Variants in CHMP3 observed in about 807,000 individuals in gnomAD.
CHMP3 encodes the protein charged multivesicular body protein 3.
In CHMP3, 8 loss-of-function variants were observed where a neutral mutation model predicts 27.4. The ratio of observed to expected loss-of-function variants is 0.29; its 90% confidence interval spans 0.17 to 0.53. The LOEUF (loss-of-function observed/expected upper bound fraction) is 0.53, where lower values mean the gene tolerates loss of function less well. Among genes scored for constraint, CHMP3 ranks in the 20% least tolerant of loss-of-function variants. The pLI is 0.96. For missense variants in CHMP3, 208 were observed against 271.5 expected (o/e 0.77, Z 1.64); for synonymous variants, 86 against 85.5 (o/e 1.01, Z -0.03).
At chr2:86,511,500 T>C (rs913119638) in intron 3 of CHMP3, 6 of 151,952 alleles carry the variant, frequency 3.9e-5, no homozygotes, top group African/African-American at 7.2e-5. Context: ...AAATTACATA[T>C]GCCATTAAAA....
intron 3 of CHMP3, among the ~76,000 whole-genome samples, chr2:86,517,483 G>A (rs1558646503): frequency 6.7e-6 from 1 of 149,538 alleles, no homozygotes; most frequent in East Asian, 2.0e-4. Flanking sequence ...GGAGAATGGC[G>A]TGAACCCAGG....
chr2:86,544,186 T>C (rs1179095646), intron 1 of CHMP3, among the ~76,000 whole-genome samples: 1 of 152,240 alleles, frequency 6.6e-6, no homozygotes, highest in East Asian at 1.9e-4. Context: ...ACACAACTCG[T>C]TTATCCATTC....
intron 1 of CHMP3, among the ~76,000 whole-genome samples, chr2:86,544,277 AT>A (rs1281962130): frequency 6.7e-6 from 1 of 150,078 alleles, no homozygotes; most frequent in African/African-American, 2.5e-5. Context: ...TTATTTTCTA[AT>A]TTTTTTATGA....
chr2:86,504,660 T>C lies in CHMP3; in HGVS notation c.*1144A>G, dbSNP rs529898013. 6.6e-6 allele frequency: 1 copy of C among 152,054 alleles called. No individual in the cohort carries two copies. The highest frequency in any genetic ancestry group is 1.9e-4 in the East Asian group (1 of 5,168). 9.4% of individuals were successfully genotyped at this position (152,054 alleles called of 1,614,324 possible). On this transcript the variant is annotated 3_prime_UTR_variant, in exon 6 of 6. Coordinates refer to ENST00000263856, the MANE Select transcript of CHMP3 (RefSeq NM_016079.4). Reference sequence around the variant, plus strand: ...CCGCACCCAGCCAAGATTGCCATTTTGTATGATGAGACTGGAAGGACCCCA... The same window carrying C: ...CCGCACCCAGCCAAGATTGCCATTTCGTATGATGAGACTGGAAGGACCCCA...
At chr2:86,562,147 T>TAAC (rs370693728) in intron 1 of CHMP3, 8 of 152,234 alleles carry the variant, frequency 5.3e-5, no homozygotes, top group Non-Finnish European at 7.3e-5. Flanking sequence ...CTAGGGCCTT[T>TAAC]AACAACAACA....
intron 1 of CHMP3, among the ~76,000 whole-genome samples, chr2:86,558,467 TACTC>T (rs1205293666): frequency 9.8e-5 from 15 of 152,336 alleles, no homozygotes; most frequent in African/African-American, 3.4e-4. Context: ...CTTATTCTGA[TACTC>T]ACTCATCATT....
At chr2:86,523,274 C>G (rs1675581646) in intron 3 of CHMP3, among the ~76,000 whole-genome samples, 1 of 152,176 alleles carries the variant, frequency 6.6e-6, no homozygotes, top group East Asian at 1.9e-4. Flanking sequence ...CTTCCCACAC[C>G]CCCACAAACT....
intron 3 of CHMP3, among the ~76,000 whole-genome samples, chr2:86,521,763 T>A (rs1445798020): frequency 6.6e-6 from 1 of 152,196 alleles, no homozygotes; most frequent in African/African-American, 2.4e-5. Flanking sequence ...AAGTCAGAAT[T>A]TCCTCCCTTT....
At chr2:86,531,403 C>T (rs1675912412) in intron 2 of CHMP3, among the ~76,000 whole-genome samples, 1 of 152,092 alleles carries the variant, frequency 6.6e-6, no homozygotes, top group Non-Finnish European at 1.5e-5. Context: ...CTATGTTGCT[C>T]AGGGTGTAGT....
chr2:86,534,690 T>A (rs1323552037), intron 2 of CHMP3, among the ~76,000 whole-genome samples: 1 of 152,228 alleles, frequency 6.6e-6, no homozygotes, highest in African/African-American at 2.4e-5. Context: ...TCTTGCTGTA[T>A]TTAATCTTTA....
At chr2:86,518,417 A>G (rs1675396851) in intron 3 of CHMP3, among the ~76,000 whole-genome samples, 1 of 152,238 alleles carries the variant, frequency 6.6e-6, no homozygotes, top group African/African-American at 2.4e-5. Flanking sequence ...TGTACATTTC[A>G]GAAACTTTAA....
intron 2 of CHMP3, among the ~76,000 whole-genome samples, chr2:86,534,893 T>C (rs1031944452): frequency 1.2e-4 from 18 of 152,306 alleles, no homozygotes; most frequent in African/African-American, 4.1e-4. Context: ...TGTTTTTAAA[T>C]ATAATATTAT....
rs778421404 is a variant in CHMP3, at chr2:86,507,475, A to T, written c.523+4T>A. The T allele has an allele frequency of 1.2e-6, 2 of 1,613,060 alleles. No homozygotes were observed. The highest frequency in any genetic ancestry group is 2.2e-5 in the South Asian group (2 of 91,074). The stretch of plus-strand genomic sequence containing the variant: ...AGGAGAAAGGATGGATCTCACGGTC[A>T]TACCTGCTGTAATTTCAAAGAGAAT... On this transcript the variant is annotated splice_donor_region_variant and intron_variant, in intron 5 of 5. Coordinates refer to ENST00000263856, the MANE Select transcript of CHMP3 (RefSeq NM_016079.4).
intron 3 of CHMP3, among the ~76,000 whole-genome samples, chr2:86,521,652 G>A (rs1257189997): frequency 6.6e-6 from 1 of 152,058 alleles, no homozygotes; most frequent in East Asian, 1.9e-4. Context: ...GAGAATTCAA[G>A]GTACATCATA....
chr2:86,556,347 A>G (rs750312550), intron 1 of CHMP3, among the ~76,000 whole-genome samples: 36 of 152,242 alleles, frequency 2.4e-4, no homozygotes, highest in Non-Finnish European at 3.8e-4. Flanking sequence ...ACCTTAGATC[A>G]AAATCTGCCT....
chr2:86,511,380 CA>C (rs2104743933), intron 3 of CHMP3: 1 of 152,182 alleles, frequency 6.6e-6, no homozygotes, highest in African/African-American at 2.4e-5. Flanking sequence ...TTGCTAGTTG[CA>C]GAGAACACTT....
At chr2:86,563,182 C>T (rs1677457262) in intron 1 of CHMP3, 122 bp downstream of exon 1, 1 of 1,234,904 alleles carries the variant, frequency 8.1e-7, no homozygotes, top group Non-Finnish European at 1.1e-6. Context: ...AGTGGGAGTC[C>T]CCGGAAATGG....
At chr2:86,540,312 CA>C (rs1353454102) in intron 2 of CHMP3, among the ~76,000 whole-genome samples, 2 of 152,238 alleles carry the variant, frequency 1.3e-5, no homozygotes, top group East Asian at 3.9e-4. Flanking sequence ...TCAAATTATA[CA>C]CATTAGCTCA....
intron 1 of CHMP3, among the ~76,000 whole-genome samples, chr2:86,552,596 G>A (rs1415798454): frequency 6.6e-6 from 1 of 152,186 alleles, no homozygotes; most frequent in Non-Finnish European, 1.5e-5. Flanking sequence ...AGCATAAAAA[G>A]GAAAACATAA....
Sources: gnomAD v4.1 joint callset for allele counts (sites outside exome capture counted in the v4.1 genomes callset) on GRCh38, gnomAD v4.1.1 for gene constraint, MANE v1.5 for transcripts, NCBI Gene and HGNC (gene_info 2026-07-23, HGNC 2026-07-21) for gene names.